The following TMEM132D variants were observed in gnomAD, a reference collection of about 807,000 sequenced individuals.
TMEM132D encodes the protein transmembrane protein 132D, also known as mature OL transmembrane protein.
TMEM132D carries 21 observed loss-of-function variants against 62.3 expected under a neutral mutation model. The observed-to-expected ratio is 0.34, with a 90% CI of 0.24 to 0.49. The LOEUF (loss-of-function observed/expected upper bound fraction) is 0.49. Among genes scored for constraint, TMEM132D ranks in the 20% least tolerant of loss-of-function variants. The pLI, the probability that TMEM132D is intolerant of heterozygous loss-of-function variation, is 0.99. For missense variants in TMEM132D, 1,346 were observed against 1,402.8 expected (o/e 0.96, Z 0.65); for synonymous variants, 621 against 575.6 (o/e 1.08, Z -1.13).
intron 1 of TMEM132D, among the ~76,000 whole-genome samples, chr12:129,879,517 C>A (rs75562137): frequency 6.6e-6 from 1 of 152,062 alleles, no homozygotes; most frequent in Non-Finnish European, 1.5e-5. Flanking sequence ...TCCTGCAAAG[C>A]GAGAAGAAAC....
At position 129,535,594 on chromosome 12, in the gene TMEM132D, CTTAATATGCAA is replaced by C. The variant is rs901672605; in HGVS notation, c.969-4400_969-4390del. Among the ~76,000 whole-genome samples the C allele has an allele frequency of 3.9e-5, 6 of 152,180 alleles. No individual in the cohort carries two copies. The East Asian group carries it at 9.6e-4, about 24-fold the overall frequency. On this transcript the variant is annotated intron_variant, in intron 2 of 8. Coordinates refer to ENST00000422113, the MANE Select transcript of TMEM132D (RefSeq NM_133448.3). ...ACGCAATCTTGTCAGTGGAAGTGTT[CTTAATATGCAA>C]CCTGAATACAGGCATATTCATGTAT...
chr12:129,862,412 T>G (rs1873928886), intron 1 of TMEM132D, among the ~76,000 whole-genome samples: 1 of 152,234 alleles, frequency 6.6e-6, no homozygotes, highest in South Asian at 2.1e-4. Flanking sequence ...TCCAGGGGGC[T>G]GTGTGTTTGC....
chr12:129,448,535 G>A (rs1356748232), intron 3 of TMEM132D, among the ~76,000 whole-genome samples: 2 of 152,164 alleles, frequency 1.3e-5, no homozygotes, highest in Admixed American at 6.5e-5. Flanking sequence ...CTCCATCCAT[G>A]TTGCTGCAAA....
At chr12:129,076,104 G>A (rs994428910) in intron 8 of TMEM132D, among the ~76,000 whole-genome samples, 13 of 125,018 alleles carry the variant, frequency 1.0e-4, no homozygotes, top group African/African-American at 3.8e-4. Context: ...TCTCTCTCTC[G>A]AACTTGAAAC....
intron 4 of TMEM132D, among the ~76,000 whole-genome samples, chr12:129,271,064 T>C (rs1243374142): frequency 1.3e-5 from 2 of 152,228 alleles, no homozygotes; most frequent in Non-Finnish European, 2.9e-5. Context: ...TGATGCCAGA[T>C]ACTTACATAC....
At chr12:129,398,447 A>G (rs992482577) in intron 3 of TMEM132D, among the ~76,000 whole-genome samples, 2 of 152,208 alleles carry the variant, frequency 1.3e-5, no homozygotes, top group African/African-American at 2.4e-5. Flanking sequence ...GGGAAGCACA[A>G]TCTTTCCAAG....
At chr12:129,495,143 G>C (rs535576045) in intron 3 of TMEM132D, among the ~76,000 whole-genome samples, 1 of 149,972 alleles carries the variant, frequency 6.7e-6, no homozygotes, top group East Asian at 1.9e-4. Flanking sequence ...CTTTACAAAG[G>C]GGGCAGGAGT....
chr12:129,144,510 A>G (rs1876834258), intron 5 of TMEM132D, among the ~76,000 whole-genome samples: 1 of 152,094 alleles, frequency 6.6e-6, no homozygotes, highest in Admixed American at 6.5e-5. Flanking sequence ...CACCCACCCG[A>G]CAGCCCTAGC....
intron 3 of TMEM132D, among the ~76,000 whole-genome samples, chr12:129,438,685 C>A (rs1363408745): frequency 6.6e-6 from 1 of 152,150 alleles, no homozygotes; most frequent in Non-Finnish European, 1.5e-5. Context: ...GTCCTCGGAT[C>A]TGACACCTGT....
At chr12:129,550,725 T>G (rs1047666893) in intron 2 of TMEM132D, among the ~76,000 whole-genome samples, 9 of 152,162 alleles carry the variant, frequency 5.9e-5, no homozygotes, top group African/African-American at 2.2e-4. Context: ...ACCTTCTAAT[T>G]GATCAGTTTA....
intron 4 of TMEM132D, among the ~76,000 whole-genome samples, chr12:129,221,369 G>A (rs1349633611): frequency 6.6e-6 from 1 of 152,138 alleles, no homozygotes; most frequent in Non-Finnish European, 1.5e-5. Flanking sequence ...AATGTGATTT[G>A]GGAGCAAGTT....
At chr12:129,815,871 A>G (rs979244586) in intron 1 of TMEM132D, among the ~76,000 whole-genome samples, 22 of 152,236 alleles carry the variant, frequency 1.4e-4, no homozygotes, top group Admixed American at 1.4e-3. Context: ...TCACGACTGA[A>G]TACTCGTATG....
Position 129,272,508 on chromosome 12 carries a change from A to G in TMEM132D, c.1300-62845T>C, listed in dbSNP as rs368188127. 2.4e-3 allele frequency among the ~76,000 whole-genome samples: 369 copies of G among 151,996 alleles called. 2 individuals are homozygous for G. Among genetic ancestry groups the G allele is most frequent in the Non-Finnish European group, 4.5e-3 (303 of 68,028 alleles). ...TGCAGTCCCATGAGGTTCTTGATAA[A>G]TGGGGTATTTCTTTATTTTGTGAAA... is the stretch of plus-strand genomic sequence containing the variant. On this transcript the variant is annotated intron_variant, in intron 4 of 8. Transcript: ENST00000422113.
chr12:129,421,499 AT>A (rs1340097284), intron 3 of TMEM132D, among the ~76,000 whole-genome samples: 1 of 152,180 alleles, frequency 6.6e-6, no homozygotes, highest in Non-Finnish European at 1.5e-5. Context: ...GAGACCAGAG[AT>A]GCTCCTAAAC....
chr12:129,864,880 AG>A (rs1874010029), intron 1 of TMEM132D, among the ~76,000 whole-genome samples: 1 of 152,138 alleles, frequency 6.6e-6, no homozygotes, highest in African/African-American at 2.4e-5. Context: ...TGCAATGGCT[AG>A]GTCTTAAAGT....
At chr12:129,234,833 T>C (rs563368148) in intron 4 of TMEM132D, among the ~76,000 whole-genome samples, 1 of 152,194 alleles carries the variant, frequency 6.6e-6, no homozygotes, top group Non-Finnish European at 1.5e-5. Flanking sequence ...AAATCCATTA[T>C]CTTAAAAGTA....
In TMEM132D at chr12:129,348,956, C is replaced by T. The variant is rs1044931604; in HGVS notation, c.1116-11139G>A. Among the ~76,000 whole-genome samples, 5 of 152,220 alleles carry T rather than the reference C, an allele frequency of 3.3e-5. No individual in the cohort carries two copies. The East Asian group carries it at 5.8e-4, about 18-fold the overall frequency. On this transcript the variant is annotated intron_variant, in intron 3 of 8. Transcript: ENST00000422113. ...GTAACTTCCTTCTGGAATGCTTAGT[C>T]GGTTTTCACCCATTGTAATGGGCCT...
intron 1 of TMEM132D, among the ~76,000 whole-genome samples, chr12:129,792,614 C>T (rs1871433071): frequency 6.6e-6 from 1 of 152,184 alleles, no homozygotes; most frequent in South Asian, 2.1e-4. Flanking sequence ...GCAATACATA[C>T]ATCAATCCAC....
At chr12:129,627,654 A>G (rs546360372) in intron 2 of TMEM132D, among the ~76,000 whole-genome samples, 1 of 152,288 alleles carries the variant, frequency 6.6e-6, no homozygotes, top group South Asian at 2.1e-4. Flanking sequence ...TTACTATGTT[A>G]CCCACAAAAA....
Sources: allele counts gnomAD v4.1 joint callset (sites outside exome capture counted in the v4.1 genomes callset), GRCh38; gene constraint gnomAD v4.1.1; transcripts MANE v1.5; gene names NCBI Gene and HGNC (gene_info 2026-07-23, HGNC 2026-07-21).